PPP2R3A: variants seen among roughly 807,000 people sequenced by gnomAD.
PPP2R3A encodes the protein serine/threonine-protein phosphatase 2A regulatory subunit B'' subunit alpha.
PPP2R3A carries 80 observed loss-of-function variants against 106.9 expected under a neutral mutation model. That is an observed-to-expected ratio of 0.75 (90% CI 0.62 to 0.90). PPP2R3A has a LOEUF of 0.90. Ranked by LOEUF, PPP2R3A falls within the 40% of genes least tolerant of loss-of-function variation. PPP2R3A has a pLI of 0.00. For synonymous variants in PPP2R3A, 483 were observed against 468.3 expected (o/e 1.03, Z -0.41); for missense variants, 1,386 against 1,350.4 (o/e 1.03, Z -0.41).
chr3:136,136,808 T>C (rs1285646127), intron 13 of PPP2R3A, among the ~76,000 whole-genome samples: 1 of 152,200 alleles, frequency 6.6e-6, no homozygotes, highest in Non-Finnish European at 1.5e-5. Context: ...CAGGTAGCCA[T>C]TGTGCTAAGC....
chr3:136,114,190 G>A (rs974952870), intron 13 of PPP2R3A, among the ~76,000 whole-genome samples: 3 of 152,084 alleles, frequency 2.0e-5, no homozygotes, highest in African/African-American at 7.2e-5. Flanking sequence ...CCTACCCAAG[G>A]GAAGTCATGA....
intron 2 of PPP2R3A, among the ~76,000 whole-genome samples, chr3:136,022,205 AG>A (rs1934489047): frequency 6.6e-6 from 1 of 152,098 alleles, no homozygotes; most frequent in South Asian, 2.1e-4. Context: ...TCCTTTTTTT[AG>A]CCAAATTTCA....
At chr3:136,023,211 T>C in intron 2 of PPP2R3A, 6 of 1,597,336 alleles carry the variant, frequency 3.8e-6, no homozygotes, top group Non-Finnish European at 5.1e-6. Flanking sequence ...GGTTTGAAAT[T>C]TGGGTGTTTT....
intron 8 of PPP2R3A, 35 bp from the exon 9 acceptor site, chr3:136,087,848 A>T (rs770975499): frequency 2.6e-6 from 4 of 1,563,254 alleles, no homozygotes; most frequent in Non-Finnish European, 3.5e-6. Context: ...CATGTTTCTA[A>T]CTAGCTTTGC....
At chr3:135,994,872 C>A (rs989590039) in intron 1 of PPP2R3A, among the ~76,000 whole-genome samples, 1 of 152,132 alleles carries the variant, frequency 6.6e-6, no homozygotes, top group Non-Finnish European at 1.5e-5. Flanking sequence ...TCTTATCTTT[C>A]AAAAATCCAG....
chr3:136,093,281 C>T (rs1196026074), intron 10 of PPP2R3A, among the ~76,000 whole-genome samples: 3 of 152,074 alleles, frequency 2.0e-5, no homozygotes, highest in East Asian at 3.9e-4. Context: ...CAGCGGCACG[C>T]GCCTGTGGTC....
At chr3:135,995,015 C>T (rs1417116263) in intron 1 of PPP2R3A, among the ~76,000 whole-genome samples, 2 of 152,106 alleles carry the variant, frequency 1.3e-5, no homozygotes, top group Non-Finnish European at 2.9e-5. Context: ...TTAGAGTAAT[C>T]GTAATCTGCT....
In PPP2R3A at chr3:136,003,260, C is replaced by G. The variant is rs1360708737; in HGVS notation, c.1762C>G (p.Arg588Gly). 2.5e-6 allele frequency: 4 copies of G among 1,613,486 alleles called. No homozygotes were observed. The highest frequency in any genetic ancestry group is 3.4e-6 in the Non-Finnish European group (4 of 1,179,666). ...TNGHKIEEEDRALLLRILESI... is the reference protein window; with the variant it reads ...TNGHKIEEEDGALLLRILESI... ...TGGACACAAAATAGAGGAAGAGGAT[C>G]GAGCCCTCTTACTGCGAATCCTGGA... Residue 588 changes from arginine (R) to glycine (G), a missense_variant, in exon 2 of 14, where the codon CGA becomes GGA. Transcript: ENST00000264977.
chr3:136,037,737 C>A (rs1053968168), intron 3 of PPP2R3A, among the ~76,000 whole-genome samples: 1 of 152,216 alleles, frequency 6.6e-6, no homozygotes, highest in Non-Finnish European at 1.5e-5. Flanking sequence ...ATCATCCTCT[C>A]CTATGTGTAT....
chr3:135,997,140 C>CCCT (rs1182481789), intron 1 of PPP2R3A, among the ~76,000 whole-genome samples: 3 of 152,170 alleles, frequency 2.0e-5, no homozygotes, highest in Admixed American at 2.0e-4. Context: ...CTTCTAGCTG[C>CCCT]CGTTTTATAG....
At chr3:136,016,267 G>A (rs1366670843) in intron 2 of PPP2R3A, among the ~76,000 whole-genome samples, 1 of 152,078 alleles carries the variant, frequency 6.6e-6, no homozygotes, top group Admixed American at 6.5e-5. Flanking sequence ...TGTTCCATGT[G>A]CTGATGAACA....
intron 10 of PPP2R3A, among the ~76,000 whole-genome samples, chr3:136,092,478 C>T (rs531482626): frequency 6.6e-5 from 10 of 152,036 alleles, no homozygotes; most frequent in Admixed American, 2.0e-4. Flanking sequence ...TTTTGTTTTT[C>T]GATGGTTTTT....
In PPP2R3A at chr3:136,003,409, A is replaced by G. The variant is rs757171592; in HGVS notation, c.1911A>G (p.Leu637=). ...ETLTTSSQAN[L]SVCRSPVGDK... ...TGACAACTTCCTCCCAGGCCAATTT[A>G]TCAGTCTGTAGAAGTCCTGTTGGTG... The change falls in exon 2 of 14, where the codon TTA becomes TTG. Residue 637 remains leucine, a synonymous_variant. Coordinates refer to ENST00000264977, the MANE Select transcript of PPP2R3A (RefSeq NM_002718.5). 6.2e-7 allele frequency: 1 copy of G among 1,614,048 alleles called. No homozygotes were observed. The highest frequency in any genetic ancestry group is 2.2e-5 in the East Asian group (1 of 44,872).
chr3:136,110,913 T>C (rs1256857146), intron 13 of PPP2R3A, among the ~76,000 whole-genome samples: 2 of 152,046 alleles, frequency 1.3e-5, no homozygotes, highest in African/African-American at 4.8e-5. Context: ...GAAAAAAACA[T>C]TATCCATAAA....
chr3:136,116,647 G>A (rs535751170), intron 13 of PPP2R3A, among the ~76,000 whole-genome samples: 5 of 152,280 alleles, frequency 3.3e-5, no homozygotes, highest in South Asian at 4.1e-4. Flanking sequence ...GACAAAGAAG[G>A]TCATTACATG....
chr3:136,040,006 A>C (rs1347276269), intron 3 of PPP2R3A, among the ~76,000 whole-genome samples: 1 of 152,162 alleles, frequency 6.6e-6, no homozygotes, highest in African/African-American at 2.4e-5. Flanking sequence ...TTTACCTTTC[A>C]TCTTTTACCT....
intron 6 of PPP2R3A, among the ~76,000 whole-genome samples, chr3:136,077,938 A>T (rs1017466175): frequency 6.6e-6 from 1 of 152,192 alleles, no homozygotes; most frequent in African/African-American, 2.4e-5. Flanking sequence ...AATAACCAGA[A>T]TAAGGCCCTC....
chr3:136,063,626 C>T (rs1045596994), intron 5 of PPP2R3A, among the ~76,000 whole-genome samples: 21 of 152,122 alleles, frequency 1.4e-4, no homozygotes, highest in South Asian at 2.1e-4. Context: ...AGACACTTCT[C>T]GAAAGAAGAC....
intron 1 of PPP2R3A, among the ~76,000 whole-genome samples, chr3:135,987,557 A>G (rs568795221): frequency 1.3e-5 from 2 of 152,288 alleles, no homozygotes; most frequent in African/African-American, 4.8e-5. Context: ...TATAAAAAAC[A>G]TCCTTGAAAA....
Sources: allele counts gnomAD v4.1 joint callset (sites outside exome capture counted in the v4.1 genomes callset), GRCh38; gene constraint gnomAD v4.1.1; transcripts MANE v1.5; gene names NCBI Gene and HGNC (gene_info 2026-07-23, HGNC 2026-07-21).